Variants in MAGI2 observed in about 807,000 individuals in gnomAD.
MAGI2 encodes membrane associated guanylate kinase, WW and PDZ domain containing 2.
A neutral mutation model predicts 133.3 loss-of-function variants in MAGI2; 35 were observed. The ratio of observed to expected loss-of-function variants is 0.26; its 90% CI spans 0.20 to 0.35. The LOEUF (loss-of-function observed/expected upper bound fraction) is 0.35, where lower values mean the gene tolerates loss of function less well. Among genes scored for constraint, MAGI2 ranks in the 10% least tolerant of loss-of-function variants. MAGI2 has a pLI of 1.00. For synonymous variants in MAGI2, 729 were observed against 710.6 expected, an observed-to-expected ratio of 1.03 and a Z score of -0.41; for missense variants, 1,636 against 1,863.4, an observed-to-expected ratio of 0.88 and a Z score of 2.25.
chr7:79,070,077 G>T (rs1814803510), intron 1 of MAGI2, among the ~76,000 whole-genome samples: 1 of 152,068 alleles, frequency 6.6e-6, no homozygotes, highest in African/African-American at 2.4e-5. Context: ...TAATGATTAT[G>T]TGTCTTGGGG....
At chr7:78,915,908 G>A (rs1419523712) in intron 2 of MAGI2, among the ~76,000 whole-genome samples, 2 of 152,020 alleles carry the variant, frequency 1.3e-5, no homozygotes, top group African/African-American at 2.4e-5. Context: ...GCAGAAACGT[G>A]AAGGAAGTAG....
intron 3 of MAGI2, among the ~76,000 whole-genome samples, chr7:78,604,249 G>A (rs1333412149): frequency 6.6e-6 from 1 of 152,158 alleles, no homozygotes; most frequent in Non-Finnish European, 1.5e-5. Flanking sequence ...AGGTAGGATG[G>A]CCCTGAGATG....
rs142432500 is a variant in MAGI2 at position 79,244,563 on chromosome 7, C to A, written c.301+208457G>T. 1.9e-3 allele frequency among the ~76,000 whole-genome samples: 284 copies of A among 152,270 alleles called. 1 individual carries two copies. Among genetic ancestry groups the A allele is most frequent in the African/African-American group, 6.6e-3 (275 of 41,560 alleles). ...ATGCCCATAGAGGGAGCATTTAGAC[C>A]AGCCATAGCCAGAGGGGAATTGCCT... On this transcript the variant is annotated intron_variant, in intron 1 of 21. Coordinates refer to ENST00000354212, the MANE Select transcript of MAGI2 (RefSeq NM_012301.4).
chr7:79,292,114 T>A (rs1003734570), intron 1 of MAGI2, among the ~76,000 whole-genome samples: 41 of 152,312 alleles, frequency 2.7e-4, no homozygotes, highest in African/African-American at 7.5e-4. Flanking sequence ...CAGCTTCATT[T>A]TTTTACATGT....
At chr7:78,259,356 T>C (rs1390639073) in intron 9 of MAGI2, among the ~76,000 whole-genome samples, 2 of 152,190 alleles carry the variant, frequency 1.3e-5, no homozygotes, top group African/African-American at 4.8e-5. Context: ...ATTAGCTGTA[T>C]AACTTTCCCA....
At chr7:78,920,058 T>G (rs570893336) in intron 2 of MAGI2, among the ~76,000 whole-genome samples, 1 of 152,252 alleles carries the variant, frequency 6.6e-6, no homozygotes, top group African/African-American at 2.4e-5. Context: ...GGCTCCGAAC[T>G]TCCCATCAAA....
chr7:79,359,055 A>G (rs1057086182), intron 1 of MAGI2, among the ~76,000 whole-genome samples: 2 of 152,228 alleles, frequency 1.3e-5, no homozygotes, highest in Non-Finnish European at 2.9e-5. Context: ...CAAATTATCT[A>G]ATGAGGATTT....
At chr7:78,503,284 T>C (rs1428250143) in intron 4 of MAGI2, among the ~76,000 whole-genome samples, 1 of 152,064 alleles carries the variant, frequency 6.6e-6, no homozygotes, top group Non-Finnish European at 1.5e-5. Context: ...TTTGAAAAAT[T>C]ACTCTAACCA....
chr7:78,551,615 C>G (rs1400803242), intron 3 of MAGI2, among the ~76,000 whole-genome samples: 2 of 152,140 alleles, frequency 1.3e-5, no homozygotes, highest in African/African-American at 4.8e-5. Flanking sequence ...GGAGACTGTC[C>G]TAAGGGGGAA....
chr7:79,132,802 G>A (rs757612809), intron 1 of MAGI2, among the ~76,000 whole-genome samples: 1 of 151,842 alleles, frequency 6.6e-6, no homozygotes, highest in African/African-American at 2.4e-5. Context: ...TCACATTCAC[G>A]CCAACATGTA....
chr7:78,494,908 T>C (rs1229809175), intron 5 of MAGI2, among the ~76,000 whole-genome samples: 1 of 152,142 alleles, frequency 6.6e-6, no homozygotes, highest in Admixed American at 6.6e-5. Context: ...CCCCGGGAAA[T>C]ACTATGCCAT....
At chr7:79,017,073 A>G (rs2116647541) in intron 1 of MAGI2, among the ~76,000 whole-genome samples, 1 of 152,380 alleles carries the variant, frequency 6.6e-6, no homozygotes, top group Admixed American at 6.5e-5. Context: ...ACACTCAGCC[A>G]TAGCTGATGA....
chr7:78,999,323 A>T (rs1186663737), intron 2 of MAGI2, among the ~76,000 whole-genome samples: 1 of 151,972 alleles, frequency 6.6e-6, no homozygotes, highest in Non-Finnish European at 1.5e-5. Flanking sequence ...TTCGGTGCCA[A>T]ATATGTTCCT....
chr7:79,228,962 G>A (rs1025029372), intron 1 of MAGI2, among the ~76,000 whole-genome samples: 2 of 152,106 alleles, frequency 1.3e-5, no homozygotes, highest in African/African-American at 4.8e-5. Flanking sequence ...TAAAAGCCTT[G>A]GCAATGAATG....
At chr7:79,067,681 C>G (rs1017240251) in intron 1 of MAGI2, among the ~76,000 whole-genome samples, 2 of 152,126 alleles carry the variant, frequency 1.3e-5, no homozygotes, top group Admixed American at 1.3e-4. Flanking sequence ...TTGTCTTGTA[C>G]CAGTTTTCAA....
At chr7:78,761,123 C>T (rs181833348) in intron 2 of MAGI2, among the ~76,000 whole-genome samples, 298 of 152,284 alleles carry the variant, frequency 2.0e-3, no homozygotes, top group African/African-American at 6.8e-3. Flanking sequence ...GGCCAGAGGC[C>T]AGACTCAATT....
At chr7:78,577,776 C>G (rs983679976) in intron 3 of MAGI2, among the ~76,000 whole-genome samples, 1 of 152,030 alleles carries the variant, frequency 6.6e-6, no homozygotes, top group African/African-American at 2.4e-5. Context: ...ATTCTCACTT[C>G]TTTTGTGGTG....
chr7:78,941,481 C>T (rs1800964843), intron 2 of MAGI2, among the ~76,000 whole-genome samples: 1 of 152,052 alleles, frequency 6.6e-6, no homozygotes, highest in Non-Finnish European at 1.5e-5. Context: ...TCTCGAGTAG[C>T]TGGGATCACA....
chr7:79,249,053 G>A (rs145747334), intron 1 of MAGI2, among the ~76,000 whole-genome samples: 83 of 151,980 alleles, frequency 5.5e-4, no homozygotes, highest in African/African-American at 1.9e-3. Context: ...TAGTAGAGAT[G>A]GGATTTTACC....
Sources: allele counts gnomAD v4.1 joint callset (sites outside exome capture counted in the v4.1 genomes callset), GRCh38; gene constraint gnomAD v4.1.1; transcripts MANE v1.5; gene names NCBI Gene and HGNC (gene_info 2026-07-23, HGNC 2026-07-21).